Variants in CTNNA2 observed in about 807,000 individuals in gnomAD.
The protein encoded by CTNNA2 is catenin alpha 2, also known as catenin alpha-2.
Under a neutral mutation model 101.0 loss-of-function variants are expected in CTNNA2, and 42 were observed. The observed-to-expected ratio is 0.42, with a 90% CI of 0.32 to 0.54. CTNNA2 has a LOEUF of 0.54. Ranked by LOEUF, CTNNA2 falls within the 20% of genes least tolerant of loss-of-function variation. The pLI, the probability that CTNNA2 is intolerant of heterozygous loss-of-function variation, is 0.14. For missense variants in CTNNA2, 871 were observed against 1,223.1 expected, an observed-to-expected ratio of 0.71 and a Z score of 4.29; for synonymous variants, 450 against 456.4, an observed-to-expected ratio of 0.99 and a Z score of 0.18.
intron 7 of CTNNA2, among the ~76,000 whole-genome samples, chr2:79,911,369 C>G (rs1339293143): frequency 6.6e-6 from 1 of 152,212 alleles, no homozygotes. Context: ...GTAGAAACTA[C>G]AGAGATCACA....
intron 2 of CTNNA2, among the ~76,000 whole-genome samples, chr2:79,694,682 CT>C (rs1573704364): frequency 6.6e-6 from 1 of 151,708 alleles, no homozygotes; most frequent in Non-Finnish European, 1.5e-5. Context: ...TTAGTGAGGA[CT>C]TTTTGGAAAG....
At chr2:79,208,027 A>G (rs542534162) in intron 2 of CTNNA2, among the ~76,000 whole-genome samples, 1 of 152,126 alleles carries the variant, frequency 6.6e-6, no homozygotes, top group South Asian at 2.1e-4. Flanking sequence ...ACCAAGGTCT[A>G]CTCTGCCCTC....
intron 7 of CTNNA2, among the ~76,000 whole-genome samples, chr2:80,119,903 A>G (rs181459748): frequency 2.0e-5 from 3 of 152,322 alleles, no homozygotes; most frequent in East Asian, 1.9e-4. Flanking sequence ...TGTGGCAAAG[A>G]TGGACTAGGT....
chr2:79,977,018 C>G (rs1574453840), intron 7 of CTNNA2, among the ~76,000 whole-genome samples: 1 of 152,136 alleles, frequency 6.6e-6, no homozygotes, highest in Non-Finnish European at 1.5e-5. Context: ...GTTCTTTCCT[C>G]CCTGTGGTTT....
At chr2:79,660,562 T>C (rs939798920) in intron 2 of CTNNA2, among the ~76,000 whole-genome samples, 3 of 152,132 alleles carry the variant, frequency 2.0e-5, no homozygotes, top group African/African-American at 7.2e-5. Flanking sequence ...TTACAGTAGG[T>C]ATGTATACCC....
chr2:79,858,776 A>G (rs1282060714), intron 4 of CTNNA2, among the ~76,000 whole-genome samples: 2 of 152,096 alleles, frequency 1.3e-5, no homozygotes, highest in Non-Finnish European at 2.9e-5. Flanking sequence ...GTGGGCACAT[A>G]CTTGTCCCAC....
chr2:79,888,214 C>A (rs1684037198), intron 6 of CTNNA2, among the ~76,000 whole-genome samples: 1 of 152,062 alleles, frequency 6.6e-6, no homozygotes, highest in Non-Finnish European at 1.5e-5. Context: ...AAGAGGAGTG[C>A]AAGGTAGGGT....
At chr2:79,417,198 G>A (rs930102718) in intron 4 of CTNNA2, among the ~76,000 whole-genome samples, 2 of 152,174 alleles carry the variant, frequency 1.3e-5, no homozygotes, top group Non-Finnish European at 2.9e-5. Flanking sequence ...CTACAATTTG[G>A]TGTTTAGGGA....
intron 2 of CTNNA2, among the ~76,000 whole-genome samples, chr2:79,306,558 C>T (rs916522157): frequency 6.6e-6 from 1 of 152,176 alleles, no homozygotes; most frequent in African/African-American, 2.4e-5. Flanking sequence ...ATATAACACA[C>T]TTTTGGTGGA....
intron 9 of CTNNA2, among the ~76,000 whole-genome samples, chr2:80,507,794 A>T (rs1357520001): frequency 6.6e-6 from 1 of 152,162 alleles, no homozygotes; most frequent in East Asian, 1.9e-4. Context: ...CTAAGCATCC[A>T]CTGAGTGCTT....
intron 8 of CTNNA2, among the ~76,000 whole-genome samples, chr2:80,405,558 C>T (rs1306431397): frequency 6.6e-6 from 1 of 152,132 alleles, no homozygotes; most frequent in East Asian, 1.9e-4. Context: ...TTTCTTTCTT[C>T]CTTATGCCAT....
At chr2:80,099,007 A>C (rs1428331130) in intron 7 of CTNNA2, among the ~76,000 whole-genome samples, 1 of 151,830 alleles carries the variant, frequency 6.6e-6, no homozygotes, top group African/African-American at 2.4e-5. Context: ...CATTGCACCC[A>C]CTGTCCTGCA....
At chr2:79,777,256 A>G (rs1674036891) in intron 3 of CTNNA2, among the ~76,000 whole-genome samples, 1 of 152,016 alleles carries the variant, frequency 6.6e-6, no homozygotes, top group Non-Finnish European at 1.5e-5. Context: ...ATCTGTCAAC[A>G]ACTGGATGAT....
chr2:79,257,912 C>A (rs1277477597), intron 2 of CTNNA2, among the ~76,000 whole-genome samples: 1 of 152,182 alleles, frequency 6.6e-6, no homozygotes, highest in East Asian at 1.9e-4. Context: ...GAAGGCAAAT[C>A]CCCCTTGCCC....
chr2:80,390,149 A>G (rs1209696118), intron 7 of CTNNA2, among the ~76,000 whole-genome samples: 2 of 152,160 alleles, frequency 1.3e-5, no homozygotes, highest in African/African-American at 4.8e-5. Flanking sequence ...TGCCAGTCAA[A>G]GTGCCTCTCT....
At chr2:79,826,684 A>G (rs1033695522) in intron 3 of CTNNA2, among the ~76,000 whole-genome samples, 1 of 152,230 alleles carries the variant, frequency 6.6e-6, no homozygotes, top group African/African-American at 2.4e-5. Flanking sequence ...TTTATTAGAT[A>G]AATGCCAATT....
intron 1 of CTNNA2, among the ~76,000 whole-genome samples, chr2:79,531,195 CATAT>C (rs34087238): frequency 0.15 from 16,314 of 108,422 alleles, 1,105 homozygotes; most frequent in Admixed American, 0.18. Context: ...TAGATACGCT[CATAT>C]ATATATATAT....
intron 9 of CTNNA2, among the ~76,000 whole-genome samples, chr2:80,539,320 TTTTG>T (rs1390174127): frequency 1.9e-5 from 2 of 106,890 alleles, no homozygotes; most frequent in Non-Finnish European, 3.7e-5. Context: ...GCTTTTTTTT[TTTTG>T]TTGTTGTTGT....
chr2:79,579,258 G>A lies in CTNNA2; in HGVS notation c.-6+66051G>A, dbSNP rs573462106. ...CTTCCCTTCCTTCCCTCCCTCCCTC[G>A]CTTCCTTCCTTCCTTCCTTCCTTCC... On this transcript the variant is annotated intron_variant, in intron 1 of 18. Coordinates refer to ENST00000402739, the MANE Select transcript of CTNNA2 (RefSeq NM_001282597.3). 8.9e-4 allele frequency among the ~76,000 whole-genome samples: 91 copies of A among 102,802 alleles called. 2 individuals are homozygous for A. Among genetic ancestry groups the A allele is most frequent in the Admixed American group, 8.1e-3 (63 of 7,760 alleles). 67.4% of individuals were successfully genotyped at this position (102,802 alleles called of 152,430 possible).
Sources: allele counts gnomAD v4.1 joint callset (sites outside exome capture counted in the v4.1 genomes callset), GRCh38; gene constraint gnomAD v4.1.1; transcripts MANE v1.5; gene names NCBI Gene and HGNC (gene_info 2026-07-23, HGNC 2026-07-21).